DNAH5: variants seen among roughly 807,000 people sequenced by gnomAD.
The protein encoded by DNAH5 is axonemal beta dynein heavy chain 5.
A neutral mutation model predicts 518.2 loss-of-function variants in DNAH5; 372 were observed. The ratio of observed to expected loss-of-function variants is 0.72; its 90% CI spans 0.66 to 0.78. The LOEUF (loss-of-function observed/expected upper bound fraction) is 0.78, where lower values mean the gene tolerates loss of function less well. Among genes scored for constraint, DNAH5 ranks in the 30% least tolerant of loss-of-function variants. DNAH5 has a pLI of 0.00. For synonymous variants in DNAH5, 2,039 were observed against 2,025.9 expected (o/e 1.01, Z -0.17); for missense variants, 5,523 against 5,687.0 (o/e 0.97, Z 0.93).
rs536194585 is a variant in DNAH5 at position 13,866,149 on chromosome 5, G to A, written c.4116+71C>T. The stretch of plus-strand genomic sequence containing the variant: ...ATAGGGCCCTCTATCTTACAAAGAA[G>A]AAAACATATGTGTGTTTAAAACACA... On this transcript the variant is annotated intron_variant, in intron 26 of 78. Coordinates refer to ENST00000265104, the MANE Select transcript of DNAH5 (RefSeq NM_001369.3). The A allele has an allele frequency of 1.7e-5, 24 of 1,440,610 alleles. No homozygotes were observed. The Admixed American group carries it at 1.9e-4, about 12-fold the overall frequency. 89.2% of individuals were successfully genotyped at this position (1,440,610 alleles called of 1,614,324 possible). A position where few individuals can be genotyped will look rare whatever the true frequency, so the allele number is the denominator to read the frequency against.
intron 22 of DNAH5, among the ~76,000 whole-genome samples, chr5:13,872,731 C>G (rs1430782405): frequency 6.6e-6 from 1 of 152,102 alleles, no homozygotes; most frequent in Non-Finnish European, 1.5e-5. Flanking sequence ...CCCAGCAAAA[C>G]AAATGCTACT....
intron 1 of DNAH5, among the ~76,000 whole-genome samples, chr5:13,993,707 C>T (rs957944731): frequency 1.3e-5 from 2 of 152,172 alleles, no homozygotes; most frequent in African/African-American, 2.4e-5. Flanking sequence ...AGACTGGCTT[C>T]GTGGGTGGTT....
chr5:13,710,716 C>A (rs1439037754), intron 75 of DNAH5, among the ~76,000 whole-genome samples: 2 of 152,062 alleles, frequency 1.3e-5, no homozygotes, highest in Non-Finnish European at 2.9e-5. Context: ...TACAAAAGGT[C>A]ATTCAAGGCT....
At chr5:13,945,788 TAGAAAC>T (rs1407819524), upstream of DNAH5, among the ~76,000 whole-genome samples, 1 of 152,056 alleles carries the variant, frequency 6.6e-6, no homozygotes, top group East Asian at 1.9e-4. Context: ...GTATTTTTTG[TAGAAAC>T]AGGTTTGGCC....
rs573797114 is a variant in DNAH5 at position 13,758,439 on chromosome 5, G to A, written c.10419+407C>T. On this transcript the variant is annotated intron_variant, in intron 61 of 78. Coordinates refer to ENST00000265104, the MANE Select transcript of DNAH5 (RefSeq NM_001369.3). ...AACCCCAGGAATTCAAGGCTGCAGT[G>A]AGCCATGATCATGCCATTGCACTCC... Among the ~76,000 whole-genome samples, 4 of 152,230 alleles carry A rather than the reference G, an allele frequency of 2.6e-5. No individual in the cohort carries two copies. The South Asian group carries it at 8.3e-4, about 32-fold the overall frequency.
rs564491743 is a variant in DNAH5 at position 13,967,736 on chromosome 5, T to C, written c.13-36492A>G. Among the ~76,000 whole-genome samples the C allele has an allele frequency of 6.9e-4, 104 of 151,514 alleles. 1 individual carries two copies. Among genetic ancestry groups the C allele is most frequent in the African/African-American group, 2.4e-3 (101 of 41,498 alleles). On this transcript the variant is annotated intron_variant, in intron 1 of 78. Coordinates refer to the DNAH5 transcript ENST00000681290. Reference sequence around the variant, plus strand: ...CTTTTTCCAATTCTGTGAGGAATGATGGTGGTATTTTGATGGGAATTGCAT... The same window carrying C: ...CTTTTTCCAATTCTGTGAGGAATGACGGTGGTATTTTGATGGGAATTGCAT...
intron 25 of DNAH5, among the ~76,000 whole-genome samples, chr5:13,866,958 G>T (rs1737702401): frequency 6.6e-6 from 1 of 152,110 alleles, no homozygotes; most frequent in African/African-American, 2.4e-5. Context: ...GACTCCGTGG[G>T]GGCAAGGCTT....
At chr5:13,824,089 A>G (rs1762581591) in intron 39 of DNAH5, 110 bp downstream of exon 39, 13 of 1,155,964 alleles carry the variant, frequency 1.1e-5, no homozygotes, top group African/African-American at 1.5e-5. Flanking sequence ...TTATCTGACA[A>G]TTAGGCATTT....
At chr5:13,981,521 C>A (rs924318959) in intron 1 of DNAH5, among the ~76,000 whole-genome samples, 1 of 152,116 alleles carries the variant, frequency 6.6e-6, no homozygotes, top group Non-Finnish European at 1.5e-5. Flanking sequence ...TGGGAAGAAG[C>A]AAGGTAAGTG....
At position 13,821,651 on chromosome 5, in the gene DNAH5, C is replaced by T. The variant is rs891714307; in HGVS notation, c.6688-1152G>A. On this transcript the variant is annotated intron_variant, in intron 40 of 78. Transcript: ENST00000265104. The stretch of plus-strand genomic sequence containing the variant: ...TCATGCTATGCTTGAACTCACAGTA[C>T]GTAATGATTTCAATTTTACTTAAAT... 7.2e-5 allele frequency among the ~76,000 whole-genome samples: 11 copies of T among 152,250 alleles called. 1 individual carries two copies. Among genetic ancestry groups the T allele is most frequent in the Non-Finnish European group, 8.8e-5 (6 of 68,022 alleles).
chr5:13,770,839 T>G lies in DNAH5; in HGVS notation c.9515A>C (p.His3172Pro), dbSNP rs750623228. The G allele has an allele frequency of 1.9e-6, 3 of 1,614,044 alleles. No individual in the cohort carries two copies. The highest frequency in any genetic ancestry group is 2.5e-6 in the Non-Finnish European group (3 of 1,179,978). Residue 3172 changes from histidine (H) to proline (P), a missense_variant, in exon 56 of 79, where the codon CAC (histidine) becomes CCC (proline). Physicochemically the swap from His to Pro is moderately conservative, Grantham distance 77. Transcript: ENST00000265104. ...DYFQRFRRST[H>P]VTPKSYLSFI... ...GGAGAGGTATGATTTGGGCGTCACG[T>G]GGGTAGAACGTCGGAATCTCTGAAA... is the stretch of plus-strand genomic sequence containing the variant.
Position 13,910,868 on chromosome 5 carries a change from A to C in DNAH5, c.1644+518T>G, listed in dbSNP as rs111873078. Among the ~76,000 whole-genome samples the C allele has an allele frequency of 8.5e-4, 130 of 152,336 alleles. 3 individuals are homozygous for C. The highest frequency in any genetic ancestry group is 2.9e-3 in the African/African-American group (122 of 41,580). On this transcript the variant is annotated intron_variant, in intron 12 of 78. Transcript: ENST00000265104. The stretch of plus-strand genomic sequence containing the variant: ...GCATAAACTGCTCATGTGAGCTGCA[A>C]GGCAAGATGGCTGGTCTGCAGTGAG...
chr5:13,839,133 T>G (rs868667341), intron 35 of DNAH5, among the ~76,000 whole-genome samples: 1 of 152,220 alleles, frequency 6.6e-6, no homozygotes. Flanking sequence ...GTTTACACAT[T>G]TAAACTCTGC....
At chr5:13,976,036 A>C (rs551917093) in intron 1 of DNAH5, among the ~76,000 whole-genome samples, 2 of 152,194 alleles carry the variant, frequency 1.3e-5, no homozygotes, top group African/African-American at 2.4e-5. Flanking sequence ...ATCTAAAAAA[A>C]TTTTTTTAAA....
At position 13,841,908 on chromosome 5, in the gene DNAH5, T is replaced by C. The variant is rs569920273; in HGVS notation, c.5272-4A>G. On this transcript the variant is annotated splice_polypyrimidine_tract_variant and splice_region_variant and intron_variant, in intron 32 of 78. Transcript: ENST00000265104. Reference sequence around the variant, plus strand: ...TTGACAGAATTCGATCATAGATCTATGTTAGAAACCAAAAAAAAAAAAAAA... The same window carrying C: ...TTGACAGAATTCGATCATAGATCTACGTTAGAAACCAAAAAAAAAAAAAAA... 2 of 1,370,742 alleles carry C rather than the reference T, an allele frequency of 1.5e-6. No individual in the cohort carries two copies. Among genetic ancestry groups the C allele is most frequent in the Non-Finnish European group, 2.0e-6 (2 of 1,013,298 alleles). The allele number at this position is 1,370,742 out of a possible 1,614,324, so 84.9% of individuals were successfully genotyped here. A position where few individuals can be genotyped will look rare whatever the true frequency, so the allele number is the denominator to read the frequency against.
intron 29 of DNAH5, among the ~76,000 whole-genome samples, chr5:13,860,897 T>G (rs1049267420): frequency 6.6e-6 from 1 of 152,234 alleles, no homozygotes; most frequent in Admixed American, 6.5e-5. Flanking sequence ...CATAAAAGTT[T>G]AATTTCCATA....
At position 13,742,919 on chromosome 5, in the gene DNAH5, G is replaced by GA. The variant is rs796173390; in HGVS notation, c.11212-5425dup. The stretch of plus-strand genomic sequence containing the variant: ...TATTGGCAAAAGAAAGTTTATCTGA[G>GA]AAAAAAAAATAGAACAATTGTTGCT... On this transcript the variant is annotated intron_variant, in intron 65 of 78. Coordinates refer to ENST00000265104, the MANE Select transcript of DNAH5 (RefSeq NM_001369.3). Among the ~76,000 whole-genome samples, 254 of 150,418 alleles carry GA rather than the reference G, an allele frequency of 1.7e-3. 1 individual carries two copies. Among genetic ancestry groups the GA allele is most frequent in the African/African-American group, 5.8e-3 (239 of 41,160 alleles).
chr5:13,811,547 T>C, intron 44 of DNAH5, 100 bp downstream of exon 44: 1 of 1,182,744 alleles, frequency 8.5e-7, no homozygotes, highest in Non-Finnish European at 1.3e-6. Flanking sequence ...GTACTCTCTG[T>C]ATAGCATGGC....
chr5:13,911,539 AT>A, intron 11 of DNAH5, 46 bp from the exon 12 acceptor site: 1 of 1,417,810 alleles, frequency 7.1e-7, no homozygotes, highest in Non-Finnish European at 9.9e-7. Flanking sequence ...ATATTCTTAT[AT>A]TACCTAACTA....
Sources: gnomAD v4.1 joint callset for allele counts (sites outside exome capture counted in the v4.1 genomes callset) on GRCh38, gnomAD v4.1.1 for gene constraint, MANE v1.5 for transcripts, NCBI Gene and HGNC (gene_info 2026-07-23, HGNC 2026-07-21) for gene names.